The following SNX29 variants were observed in gnomAD, a reference collection of about 807,000 sequenced individuals.
SNX29 encodes the protein sorting nexin 29, also known as sorting nexin-29.
In SNX29, 78 loss-of-function variants were observed where a neutral mutation model predicts 102.1. The ratio of observed to expected loss-of-function variants is 0.76; its 90% CI spans 0.64 to 0.92. The LOEUF (loss-of-function observed/expected upper bound fraction) is 0.92, where lower values mean the gene tolerates loss of function less well. Among genes scored for constraint, SNX29 ranks in the 40% least tolerant of loss-of-function variants. SNX29 has a pLI of 0.00. For missense variants in SNX29, 1,280 were observed against 1,061.7 expected (o/e 1.21, Z -2.86); for synonymous variants, 580 against 414.5 (o/e 1.40, Z -4.85).
rs561531488 is a variant in SNX29 at position 12,072,278 on chromosome 16, C to G, written c.1319+3146C>G. Reference sequence around the variant, plus strand: ...AAAGGGAATGCTTTCAGTTTTTGCCCATTCAGTATGATATTGGCTGTGGGT... The same window carrying G: ...AAAGGGAATGCTTTCAGTTTTTGCCGATTCAGTATGATATTGGCTGTGGGT... On this transcript the variant is annotated intron_variant, in intron 10 of 20. Coordinates refer to ENST00000566228, the MANE Select transcript of SNX29 (RefSeq NM_032167.5). Among the ~76,000 whole-genome samples the G allele has an allele frequency of 5.3e-5, 8 of 152,246 alleles. No individual in the cohort carries two copies. The East Asian group carries it at 1.5e-3, about 29-fold the overall frequency.
At chr16:12,138,158 A>C (rs1311864867) in intron 13 of SNX29, among the ~76,000 whole-genome samples, 1 of 151,638 alleles carries the variant, frequency 6.6e-6, no homozygotes, top group Non-Finnish European at 1.5e-5. Flanking sequence ...TCCCCAGGCC[A>C]AGATGGCAGC....
intron 20 of SNX29, among the ~76,000 whole-genome samples, chr16:12,566,392 C>T (rs1005970182): frequency 6.8e-6 from 1 of 147,054 alleles, no homozygotes; most frequent in Non-Finnish European, 1.5e-5. Flanking sequence ...CTGGCCTCTC[C>T]CAGGCACTCT....
At chr16:12,337,082 G>C (rs1460925993) in intron 15 of SNX29, among the ~76,000 whole-genome samples, 3 of 152,170 alleles carry the variant, frequency 2.0e-5, no homozygotes, top group Non-Finnish European at 4.4e-5. Flanking sequence ...TTGGGCAGCA[G>C]GTAGTGCTAA....
At chr16:12,472,147 C>G (rs967209006) in intron 18 of SNX29, among the ~76,000 whole-genome samples, 1 of 152,226 alleles carries the variant, frequency 6.6e-6, no homozygotes, top group Non-Finnish European at 1.5e-5. Context: ...AGAAACACAG[C>G]TGCATCTCAC....
At chr16:12,540,279 A>T (rs1326996876) in intron 20 of SNX29, among the ~76,000 whole-genome samples, 1 of 152,164 alleles carries the variant, frequency 6.6e-6, no homozygotes, top group Non-Finnish European at 1.5e-5. Flanking sequence ...GAGGGAGGAC[A>T]GGACTAGAGG....
intron 15 of SNX29, among the ~76,000 whole-genome samples, chr16:12,317,100 A>G (rs1278116927): frequency 2.0e-5 from 3 of 152,226 alleles, no homozygotes; most frequent in Non-Finnish European, 4.4e-5. Context: ...TGTTTCTCCC[A>G]GAAGTTTTCT....
intron 18 of SNX29, among the ~76,000 whole-genome samples, chr16:12,452,871 G>C: frequency 2.0e-5 from 3 of 152,262 alleles, no homozygotes; most frequent in Admixed American, 2.0e-4. Context: ...AAATAAAATT[G>C]CTCCTTGTTC....
chr16:12,059,740 A>G (rs2050691576), intron 8 of SNX29, among the ~76,000 whole-genome samples: 2 of 152,170 alleles, frequency 1.3e-5, no homozygotes, highest in African/African-American at 4.8e-5. Flanking sequence ...GAAGCCTGAA[A>G]TATGTACTCT....
intron 14 of SNX29, among the ~76,000 whole-genome samples, chr16:12,250,359 GAGCCCCAGGAGAGA>G (rs980210558): frequency 5.8e-4 from 88 of 152,336 alleles, no homozygotes; most frequent in African/African-American, 2.1e-3. Context: ...ATACAAGTCA[GAGCCCCAGGAGAGA>G]AGCCACAGGT....
intron 11 of SNX29, among the ~76,000 whole-genome samples, chr16:12,125,619 T>C (rs1160122039): frequency 1.6e-4 from 19 of 116,032 alleles, no homozygotes; most frequent in South Asian, 3.2e-4. Context: ...TTTTTTTTTT[T>C]TTTTTTTTTT....
intron 19 of SNX29, among the ~76,000 whole-genome samples, chr16:12,523,931 G>A (rs1055660593): frequency 3.3e-5 from 5 of 152,238 alleles, no homozygotes; most frequent in African/African-American, 1.2e-4. Flanking sequence ...TTGTTGCCCG[G>A]GCTGGAGTGC....
intron 13 of SNX29, among the ~76,000 whole-genome samples, chr16:12,192,406 A>G (rs1222524367): frequency 6.6e-6 from 1 of 152,212 alleles, no homozygotes; most frequent in Non-Finnish European, 1.5e-5. Context: ...TCTTGCCTGG[A>G]TGACCGTAAT....
At chr16:12,192,864 G>A (rs2076678920) in intron 13 of SNX29, among the ~76,000 whole-genome samples, 1 of 152,160 alleles carries the variant, frequency 6.6e-6, no homozygotes, top group African/African-American at 2.4e-5. Context: ...ACCATGCCCA[G>A]ATAATTTTTG....
intron 15 of SNX29, among the ~76,000 whole-genome samples, chr16:12,281,754 C>T (rs2079437077): frequency 6.6e-6 from 1 of 152,076 alleles, no homozygotes; most frequent in Non-Finnish European, 1.5e-5. Context: ...TAGTAACTTT[C>T]CCAAGAGTCC....
chr16:12,166,343 A>G (rs1567270348), intron 13 of SNX29, among the ~76,000 whole-genome samples: 1 of 152,132 alleles, frequency 6.6e-6, no homozygotes, highest in Admixed American at 6.5e-5. Flanking sequence ...GCTGGAAGCA[A>G]ATTAAACAGA....
At chr16:12,555,337 G>A (rs993720569) in intron 20 of SNX29, among the ~76,000 whole-genome samples, 12 of 151,846 alleles carry the variant, frequency 7.9e-5, no homozygotes, top group African/African-American at 2.7e-4. Flanking sequence ...CTTGGCACCT[G>A]AGAAACATGT....
At chr16:12,481,541 CACACACACA>C (rs1567608639) in intron 19 of SNX29, among the ~76,000 whole-genome samples, 2 of 151,046 alleles carry the variant, frequency 1.3e-5, no homozygotes, top group African/African-American at 2.4e-5. Context: ...CACACACACA[CACACACACA>C]CACACCCCAA....
At chr16:12,452,582 G>A (rs980142053) in intron 18 of SNX29, among the ~76,000 whole-genome samples, 1 of 151,934 alleles carries the variant, frequency 6.6e-6, no homozygotes, top group Non-Finnish European at 1.5e-5. Flanking sequence ...GATGGGGAGG[G>A]CATCTGAGCT....
intron 4 of SNX29, among the ~76,000 whole-genome samples, chr16:12,028,594 G>A (rs1028072818): frequency 1.3e-5 from 2 of 150,718 alleles, no homozygotes; most frequent in African/African-American, 4.9e-5. Flanking sequence ...AAACTCCTAG[G>A]CTCAAGTGAT....
Sources: gnomAD v4.1 joint callset for allele counts (sites outside exome capture counted in the v4.1 genomes callset) on GRCh38, gnomAD v4.1.1 for gene constraint, MANE v1.5 for transcripts, NCBI Gene and HGNC (gene_info 2026-07-23, HGNC 2026-07-21) for gene names.